The following ARHGAP26 variants were observed in gnomAD, a reference collection of about 807,000 sequenced individuals.
The protein encoded by ARHGAP26 is rho GTPase-activating protein 26.
In ARHGAP26, 38 loss-of-function variants were observed where a neutral mutation model predicts 104.8. The observed-to-expected ratio is 0.36, with a 90% CI of 0.28 to 0.48. ARHGAP26 has a LOEUF of 0.48. Ranked by LOEUF, ARHGAP26 falls within the 20% of genes least tolerant of loss-of-function variation. The pLI, the probability that ARHGAP26 is intolerant of heterozygous loss-of-function variation, is 0.99. For missense variants in ARHGAP26, 704 were observed against 947.9 expected (o/e 0.74, Z 3.38); for synonymous variants, 341 against 340.0 (o/e 1.00, Z -0.03).
rs76718759 is a variant in ARHGAP26, at chr5:142,985,349, T to C, written c.1108-28731T>C. Among the ~76,000 whole-genome samples, 344 of 152,276 alleles carry C rather than the reference T, an allele frequency of 2.3e-3. 8 individuals carry two copies. In the East Asian group the frequency reaches 0.054, roughly 24 times the overall value. On this transcript the variant is annotated intron_variant, in intron 11 of 22. Coordinates refer to ENST00000645722, the MANE Select transcript of ARHGAP26 (RefSeq NM_001135608.3). The stretch of plus-strand genomic sequence containing the variant: ...AGAAGAACACTTTAAATAACTTTAG[T>C]GTAGCCTAAGTGTACAGTGTTTATA...
At chr5:143,147,615 T>G (rs1799322142) in intron 20 of ARHGAP26, 2 of 491,828 alleles carry the variant, frequency 4.1e-6, no homozygotes, top group Admixed American at 7.6e-5. Flanking sequence ...TTTGATTTAC[T>G]GTCCTGCTGA....
At chr5:142,808,948 C>T (rs949616817) in intron 1 of ARHGAP26, among the ~76,000 whole-genome samples, 1 of 152,198 alleles carries the variant, frequency 6.6e-6, no homozygotes, top group Non-Finnish European at 1.5e-5. Flanking sequence ...TGTCCTTGTC[C>T]TTTCTAATAC....
intron 19 of ARHGAP26, among the ~76,000 whole-genome samples, chr5:143,135,597 C>T (rs3776292): frequency 0.057 from 8,642 of 152,264 alleles, 406 homozygotes; most frequent in African/African-American, 0.12. Flanking sequence ...CATCCCAAAA[C>T]CCTTACTGCA....
At chr5:142,963,439 C>T (rs1770753931) in intron 11 of ARHGAP26, among the ~76,000 whole-genome samples, 1 of 151,914 alleles carries the variant, frequency 6.6e-6, no homozygotes, top group Non-Finnish European at 1.5e-5. Flanking sequence ...TGCCGTACTG[C>T]TTTCCACAGT....
intron 1 of ARHGAP26, among the ~76,000 whole-genome samples, chr5:142,776,324 C>G (rs1390113747): frequency 6.6e-6 from 1 of 152,124 alleles, no homozygotes; most frequent in Non-Finnish European, 1.5e-5. Flanking sequence ...CAGAGTTATG[C>G]AACCATCATC....
At chr5:143,128,336 T>C (rs1796951863) in intron 18 of ARHGAP26, among the ~76,000 whole-genome samples, 2 of 152,228 alleles carry the variant, frequency 1.3e-5, no homozygotes, top group Non-Finnish European at 2.9e-5. Context: ...ATAGAATCTT[T>C]CTGGAGATAT....
intron 20 of ARHGAP26, among the ~76,000 whole-genome samples, chr5:143,184,958 A>C (rs1044725814): frequency 6.6e-6 from 1 of 152,202 alleles, no homozygotes; most frequent in Non-Finnish European, 1.5e-5. Flanking sequence ...CCTAGTATTT[A>C]TCAGAAGGAA....
At chr5:142,959,655 T>C (rs972764962) in intron 11 of ARHGAP26, among the ~76,000 whole-genome samples, 3 of 152,242 alleles carry the variant, frequency 2.0e-5, no homozygotes, top group African/African-American at 7.2e-5. Context: ...CTGACTTCTT[T>C]TGCTACCAGC....
chr5:142,832,469 C>T (rs565700435), intron 1 of ARHGAP26, among the ~76,000 whole-genome samples: 1 of 152,248 alleles, frequency 6.6e-6, no homozygotes, highest in Non-Finnish European at 1.5e-5. Context: ...GCAGCAGGAC[C>T]TGACCTTGCT....
intron 17 of ARHGAP26, among the ~76,000 whole-genome samples, chr5:143,062,114 G>T (rs1562352620): frequency 6.6e-6 from 1 of 152,202 alleles, no homozygotes; most frequent in Non-Finnish European, 1.5e-5. Flanking sequence ...TCAACAGAGA[G>T]TATTAAGTCT....
At chr5:142,995,125 A>T (rs1776202316) in intron 11 of ARHGAP26, among the ~76,000 whole-genome samples, 1 of 152,254 alleles carries the variant, frequency 6.6e-6, no homozygotes, top group Non-Finnish European at 1.5e-5. Flanking sequence ...CATGACTAAA[A>T]CACCAAAAAC....
intron 11 of ARHGAP26, among the ~76,000 whole-genome samples, chr5:143,012,544 C>CATATATATATATATATATATATATAT (rs1562259165): frequency 2.3e-5 from 1 of 43,080 alleles, no homozygotes; most frequent in African/African-American, 6.3e-5. Flanking sequence ...TATTTATATA[C>CATATATATATATATATATATATATAT]ATACATACAT....
At position 142,807,516 on chromosome 5, in the gene ARHGAP26, A is replaced by G. The variant is rs528388582; in HGVS notation, c.154+36601A>G. 1.8e-4 allele frequency among the ~76,000 whole-genome samples: 28 copies of G among 152,280 alleles called. No individual in the cohort carries two copies. The South Asian group carries it at 5.6e-3, about 30-fold the overall frequency. On this transcript the variant is annotated intron_variant, in intron 1 of 22. Coordinates refer to ENST00000645722, the MANE Select transcript of ARHGAP26 (RefSeq NM_001135608.3). ...GGAATGGATTCTGCAGGCCATGCTT[A>G]GCAAAACCTCCCTGAGGCAGCCCAC...
intron 20 of ARHGAP26, among the ~76,000 whole-genome samples, chr5:143,150,006 T>C (rs922814818): frequency 1.3e-5 from 2 of 152,206 alleles, no homozygotes; most frequent in African/African-American, 2.4e-5. Context: ...TACTAATCTT[T>C]CCTAATTCTC....
At chr5:142,974,038 G>A (rs1365187990) in intron 11 of ARHGAP26, among the ~76,000 whole-genome samples, 2 of 152,064 alleles carry the variant, frequency 1.3e-5, no homozygotes, top group African/African-American at 4.8e-5. Context: ...CATGTTTTTA[G>A]AGTCTGTTTA....
At chr5:142,880,065 C>A (rs145635276) in intron 4 of ARHGAP26, among the ~76,000 whole-genome samples, 27 of 152,340 alleles carry the variant, frequency 1.8e-4, no homozygotes, top group African/African-American at 6.3e-4. Context: ...AAAATGACAT[C>A]TGCAGGCCTG....
intron 18 of ARHGAP26, among the ~76,000 whole-genome samples, chr5:143,123,315 T>A (rs1318020853): frequency 1.3e-5 from 2 of 152,252 alleles, no homozygotes; most frequent in African/African-American, 4.8e-5. Flanking sequence ...TCTTGACTCC[T>A]TTTTCACTGT....
chr5:143,061,806 G>A (rs550264861), intron 17 of ARHGAP26, among the ~76,000 whole-genome samples: 1 of 152,194 alleles, frequency 6.6e-6, no homozygotes, highest in East Asian at 1.9e-4. Context: ...CAGAGTCCCA[G>A]CATACTTTAT....
intron 19 of ARHGAP26, among the ~76,000 whole-genome samples, chr5:143,145,690 A>G (rs1367073822): frequency 6.6e-6 from 1 of 152,208 alleles, no homozygotes. Flanking sequence ...AGCTCTTAAA[A>G]TATGAACAGT....
Sources: gnomAD v4.1 joint callset for allele counts (sites outside exome capture counted in the v4.1 genomes callset) on GRCh38, gnomAD v4.1.1 for gene constraint, MANE v1.5 for transcripts, NCBI Gene and HGNC (gene_info 2026-07-23, HGNC 2026-07-21) for gene names.